PTPRN2: variants seen among roughly 807,000 people sequenced by gnomAD.
PTPRN2 encodes protein tyrosine phosphatase receptor type N2, also known as receptor-type tyrosine-protein phosphatase N2.
Under a neutral mutation model 118.8 loss-of-function variants are expected in PTPRN2, and 74 were observed. That is an observed-to-expected ratio of 0.62 (90% CI 0.52 to 0.76). The LOEUF is 0.76. PTPRN2 is among the 30% of genes least tolerant of loss of function. PTPRN2 has a pLI of 0.00. For missense variants in PTPRN2, 1,481 were observed against 1,394.4 expected, an observed-to-expected ratio of 1.06 and a Z score of -0.99; for synonymous variants, 641 against 608.0, an observed-to-expected ratio of 1.05 and a Z score of -0.80.
At chr7:157,995,194 T>C (rs903915971) in intron 11 of PTPRN2, among the ~76,000 whole-genome samples, 1 of 148,724 alleles carries the variant, frequency 6.7e-6, no homozygotes, top group African/African-American at 2.5e-5. Flanking sequence ...AACTCCTTGT[T>C]CTAAAATCAA....
At chr7:158,072,727 A>G (rs1003000116) in intron 11 of PTPRN2, among the ~76,000 whole-genome samples, 3 of 152,194 alleles carry the variant, frequency 2.0e-5, no homozygotes, top group African/African-American at 7.2e-5. Context: ...CACAGGGGAC[A>G]CCAACTGCCA....
intron 2 of PTPRN2, among the ~76,000 whole-genome samples, chr7:158,333,660 A>G (rs1274092028): frequency 2.6e-5 from 4 of 151,574 alleles, no homozygotes; most frequent in African/African-American, 9.8e-5. Context: ...TCTCACCATA[A>G]GAGCTGACAC....
chr7:158,569,650 G>C (rs1312584680), intron 1 of PTPRN2, among the ~76,000 whole-genome samples: 1 of 151,338 alleles, frequency 6.6e-6, no homozygotes, highest in Non-Finnish European at 1.5e-5. Flanking sequence ...ACAAGAACGC[G>C]GGGCGCGAGG....
chr7:158,283,431 G>A (rs1385030173), intron 3 of PTPRN2, among the ~76,000 whole-genome samples: 1 of 152,156 alleles, frequency 6.6e-6, no homozygotes, highest in Non-Finnish European at 1.5e-5. Flanking sequence ...AAACCACTGA[G>A]ACCACCACTG....
intron 11 of PTPRN2, among the ~76,000 whole-genome samples, chr7:157,914,150 T>C (rs1798261127): frequency 6.6e-6 from 1 of 152,232 alleles, no homozygotes; most frequent in Admixed American, 6.5e-5. Context: ...TATGATTCCC[T>C]CCTCTCTTTT....
chr7:158,323,456 A>G (rs1803202461), intron 2 of PTPRN2, among the ~76,000 whole-genome samples: 2 of 152,252 alleles, frequency 1.3e-5, no homozygotes, highest in Admixed American at 1.3e-4. Flanking sequence ...AGGAATGCCC[A>G]GGATGCAGAG....
intron 12 of PTPRN2, among the ~76,000 whole-genome samples, chr7:157,822,439 T>C (rs1806904530): frequency 6.6e-6 from 1 of 151,422 alleles, no homozygotes; most frequent in Non-Finnish European, 1.5e-5. Context: ...TCCATCTATA[T>C]ACTATCCATC....
intron 17 of PTPRN2, among the ~76,000 whole-genome samples, chr7:157,586,186 T>C (rs546707652): frequency 1.3e-5 from 2 of 152,346 alleles, no homozygotes; most frequent in African/African-American, 4.8e-5. Context: ...AAATTAAGAA[T>C]GAACACAACT....
intron 1 of PTPRN2, among the ~76,000 whole-genome samples, chr7:158,500,018 C>T (rs899830801): frequency 1.4e-5 from 2 of 141,206 alleles, no homozygotes; most frequent in Middle Eastern, 3.8e-3. Context: ...ATGATTAGAA[C>T]TCTTACACTT....
intron 12 of PTPRN2, among the ~76,000 whole-genome samples, chr7:157,877,379 G>A (rs943618978): frequency 4.7e-5 from 7 of 148,716 alleles, no homozygotes; most frequent in Non-Finnish European, 7.4e-5. Context: ...GAGTTTTCTC[G>A]GGGACCCGAG....
At chr7:158,288,876 C>T (rs1028386831) in intron 3 of PTPRN2, among the ~76,000 whole-genome samples, 3 of 152,140 alleles carry the variant, frequency 2.0e-5, no homozygotes, top group East Asian at 1.9e-4. Context: ...GTGATTAATC[C>T]CTCAGCTTTT....
At chr7:158,314,713 T>TC (rs1802148439) in intron 3 of PTPRN2, among the ~76,000 whole-genome samples, 1 of 152,234 alleles carries the variant, frequency 6.6e-6, no homozygotes, top group African/African-American at 2.4e-5. Flanking sequence ...TGTGGAGGGT[T>TC]CCCCATGGAC....
chr7:158,252,360 T>C (rs985949333), intron 3 of PTPRN2, among the ~76,000 whole-genome samples: 1 of 152,102 alleles, frequency 6.6e-6, no homozygotes, highest in Non-Finnish European at 1.5e-5. Context: ...GTGAGTGGTG[T>C]CACCGTTCGG....
At chr7:158,122,797 G>A (rs1435318835) in intron 9 of PTPRN2, among the ~76,000 whole-genome samples, 2 of 152,254 alleles carry the variant, frequency 1.3e-5, no homozygotes, top group Non-Finnish European at 2.9e-5. Flanking sequence ...ATGTTCCAAC[G>A]TAGGTGCCCA....
rs959811046 is a variant in PTPRN2, at chr7:158,525,973, C to G, written c.113-36188G>C. Among the ~76,000 whole-genome samples, 5 of 152,218 alleles carry G rather than the reference C, an allele frequency of 3.3e-5. No homozygotes were observed. Among genetic ancestry groups the G allele is most frequent in the African/African-American group, 9.6e-5 (4 of 41,458 alleles). ...AACATCCCAAGCCGACAATGCCCCC[C>G]CATTGACTCGGCTCTCTGCAGACCT... On this transcript the variant is annotated intron_variant, in intron 1 of 22. Transcript: ENST00000389418. The surrounding 1 kb of genome is among the most constrained non-coding windows in gnomAD (Gnocchi z 4.1).
intron 12 of PTPRN2, among the ~76,000 whole-genome samples, chr7:157,771,826 AACAC>A (rs767188709): frequency 2.8e-5 from 4 of 141,366 alleles, no homozygotes; most frequent in Non-Finnish European, 6.0e-5. Context: ...CAGACACAGA[AACAC>A]ACAGACACAA....
intron 2 of PTPRN2, among the ~76,000 whole-genome samples, chr7:158,366,917 G>A (rs1203346019): frequency 6.6e-6 from 1 of 152,196 alleles, no homozygotes; most frequent in Non-Finnish European, 1.5e-5. Context: ...CGGTGCCTTT[G>A]CCAATTCCAG....
chr7:157,799,005 T>C (rs1395030104), intron 12 of PTPRN2, among the ~76,000 whole-genome samples: 1 of 152,222 alleles, frequency 6.6e-6, no homozygotes, highest in Non-Finnish European at 1.5e-5. Flanking sequence ...ACTAGGGTGC[T>C]GCCCCCTCCT....
At chr7:158,310,773 C>A in intron 3 of PTPRN2, among the ~76,000 whole-genome samples, 1 of 146,780 alleles carries the variant, frequency 6.8e-6, no homozygotes, top group Non-Finnish European at 1.5e-5. Context: ...GCAAGTCCCA[C>A]GGAGGGCGAG....
Sources: gnomAD v4.1 joint callset for allele counts (sites outside exome capture counted in the v4.1 genomes callset) on GRCh38, gnomAD v4.1.1 for gene constraint, Gnocchi (gnomAD v3.1) non-coding constraint, MANE v1.5 for transcripts, NCBI Gene and HGNC (gene_info 2026-07-23, HGNC 2026-07-21) for gene names.